THSD7B: variants seen among roughly 807,000 people sequenced by gnomAD.
THSD7B encodes the protein thrombospondin type 1 domain containing 7B, also known as thrombospondin type-1 domain-containing protein 7B.
Under a neutral mutation model 213.6 loss-of-function variants are expected in THSD7B, and 138 were observed. The observed-to-expected ratio is 0.65, with a 90% CI of 0.56 to 0.74. THSD7B has a LOEUF of 0.74. THSD7B is among the 30% of genes least tolerant of loss of function. THSD7B has a pLI of 0.00. For missense variants in THSD7B, 1,931 were observed against 1,991.5 expected, an observed-to-expected ratio of 0.97 and a Z score of 0.58; for synonymous variants, 742 against 687.0, an observed-to-expected ratio of 1.08 and a Z score of -1.25.
intron 2 of THSD7B, among the ~76,000 whole-genome samples, chr2:137,022,325 C>T (rs960658675): frequency 1.3e-5 from 2 of 152,154 alleles, no homozygotes; most frequent in African/African-American, 4.8e-5. Context: ...GAGTCAGTTT[C>T]TCTGCATCTT....
chr2:136,983,312 G>T (rs1685614487), intron 2 of THSD7B, among the ~76,000 whole-genome samples: 1 of 78,802 alleles, frequency 1.3e-5, no homozygotes, highest in African/African-American at 3.6e-5. Context: ...ACTAATGGTA[G>T]CTTGTTACAT....
chr2:137,409,015 C>T (rs1041411095), intron 13 of THSD7B, among the ~76,000 whole-genome samples: 1 of 152,144 alleles, frequency 6.6e-6, no homozygotes, highest in African/African-American at 2.4e-5. Context: ...TCGTAACATG[C>T]TAGCGGCAGA....
intron 16 of THSD7B, among the ~76,000 whole-genome samples, chr2:137,569,304 C>T (rs1188610533): frequency 6.6e-6 from 1 of 152,172 alleles, no homozygotes; most frequent in African/African-American, 2.4e-5. Context: ...TAATACAGTT[C>T]CATGGTTTAA....
At chr2:137,099,661 G>A (rs575687434) in intron 4 of THSD7B, among the ~76,000 whole-genome samples, 1 of 152,302 alleles carries the variant, frequency 6.6e-6, no homozygotes, top group South Asian at 2.1e-4. Flanking sequence ...GAAAATGGCT[G>A]TTCTGTCTCT....
At chr2:137,142,016 A>G (rs1280939956) in intron 5 of THSD7B, among the ~76,000 whole-genome samples, 1 of 152,192 alleles carries the variant, frequency 6.6e-6, no homozygotes, top group African/African-American at 2.4e-5. Context: ...ATACTTTGAT[A>G]AACAATATTT....
chr2:137,077,744 G>A (rs1221872914), intron 3 of THSD7B, among the ~76,000 whole-genome samples: 1 of 149,702 alleles, frequency 6.7e-6, no homozygotes, highest in Non-Finnish European at 1.5e-5. Context: ...CAGATGAGTA[G>A]GTTGCAAAAA....
intron 10 of THSD7B, among the ~76,000 whole-genome samples, chr2:137,270,582 G>A (rs568705211): frequency 3.2e-4 from 48 of 152,220 alleles, no homozygotes; most frequent in Admixed American, 9.8e-4. Flanking sequence ...AACATTAATG[G>A]GTAAGACCAA....
intron 1 of THSD7B, among the ~76,000 whole-genome samples, chr2:136,873,618 A>G (rs1454204458): frequency 6.6e-6 from 1 of 152,168 alleles, no homozygotes; most frequent in Non-Finnish European, 1.5e-5. Flanking sequence ...ATCTTCCACT[A>G]TTTTGCTGCA....
In THSD7B at chr2:137,160,318, C is replaced by G. The variant is rs776371329; in HGVS notation, c.1475C>G (p.Ala492Gly). The change falls in exon 6 of 28, where the codon GCC becomes GGC. Residue 492 changes from alanine (A) to glycine (G), a missense_variant. By Grantham distance (60) the Ala-to-Gly change is moderately conservative (BLOSUM62 0). Coordinates refer to ENST00000409968, the MANE Select transcript of THSD7B (RefSeq NM_001316349.2). ...STDCIVSSWS[A>G]WGLCIHENCH... ...GACTGCATAGTATCTTCCTGGTCAG[C>G]CTGGGGCCTGTGCATCCATGAAAAC... The G allele has an allele frequency of 1.7e-5, 28 of 1,613,472 alleles. No homozygotes were observed. Among genetic ancestry groups the G allele is most frequent in the Non-Finnish European group, 2.2e-5 (26 of 1,179,690 alleles).
chr2:137,631,654 G>A (rs554389914), intron 20 of THSD7B, among the ~76,000 whole-genome samples: 6 of 152,158 alleles, frequency 3.9e-5, no homozygotes, highest in Non-Finnish European at 1.5e-5. Context: ...TTTGATCAAT[G>A]CATGGTATTC....
intron 12 of THSD7B, among the ~76,000 whole-genome samples, chr2:137,338,220 C>T (rs1351259531): frequency 1.3e-5 from 2 of 152,036 alleles, no homozygotes; most frequent in African/African-American, 4.8e-5. Context: ...GCCAGGTAGG[C>T]TTGCTCATAT....
chr2:136,898,574 C>CCCCCT (rs1684005366), intron 2 of THSD7B, among the ~76,000 whole-genome samples: 1 of 109,972 alleles, frequency 9.1e-6, no homozygotes, highest in Non-Finnish European at 2.3e-5. Context: ...TCCCCTTGTC[C>CCCCCT]CCCCGCCCCC....
intron 7 of THSD7B, among the ~76,000 whole-genome samples, chr2:137,183,865 A>T (rs530345543): frequency 6.6e-6 from 1 of 152,108 alleles, no homozygotes; most frequent in South Asian, 2.1e-4. Flanking sequence ...CTTTGGGCTG[A>T]TTTCATTTTT....
intron 2 of THSD7B, among the ~76,000 whole-genome samples, chr2:137,020,555 T>C (rs1686424164): frequency 6.6e-6 from 1 of 152,134 alleles, no homozygotes; most frequent in Non-Finnish European, 1.5e-5. Context: ...CCCCCCGTTA[T>C]TTCATTCAGA....
intron 2 of THSD7B, among the ~76,000 whole-genome samples, chr2:136,984,627 T>G (rs529159781): frequency 5.9e-5 from 9 of 152,332 alleles, no homozygotes; most frequent in African/African-American, 1.9e-4. Flanking sequence ...CATCAGGTAT[T>G]TCTTTATAGT....
At chr2:137,474,135 A>G (rs1688148606) in intron 15 of THSD7B, among the ~76,000 whole-genome samples, 1 of 152,172 alleles carries the variant, frequency 6.6e-6, no homozygotes, top group African/African-American at 2.4e-5. Flanking sequence ...TGTATGTACA[A>G]TGTATTTGTA....
intron 2 of THSD7B, among the ~76,000 whole-genome samples, chr2:136,982,681 G>A (rs1014611071): frequency 2.0e-5 from 3 of 152,094 alleles, no homozygotes; most frequent in Non-Finnish European, 4.4e-5. Flanking sequence ...TCAGGATTTA[G>A]TGGGATCTGT....
At chr2:137,229,016 G>C (rs921808914) in intron 7 of THSD7B, among the ~76,000 whole-genome samples, 2 of 152,044 alleles carry the variant, frequency 1.3e-5, no homozygotes, top group African/African-American at 4.8e-5. Flanking sequence ...TGTGGCCCTC[G>C]ATCAAATACA....
At chr2:136,920,412 G>C (rs13429534) in intron 2 of THSD7B, among the ~76,000 whole-genome samples, 11,191 of 152,184 alleles carry the variant, frequency 0.074, 524 homozygotes, top group East Asian at 0.21. Flanking sequence ...ACCTGTAATG[G>C]GTAGCTCCTT....
Sources: allele counts gnomAD v4.1 joint callset (sites outside exome capture counted in the v4.1 genomes callset), GRCh38; gene constraint gnomAD v4.1.1; transcripts MANE v1.5; gene names NCBI Gene and HGNC (gene_info 2026-07-23, HGNC 2026-07-21).